The following SEMA5A variants were observed in gnomAD, a reference collection of about 807,000 sequenced individuals.
The protein encoded by SEMA5A is semaphorin 5A, also known as semaphorin-5A.
Under a neutral mutation model 135.5 loss-of-function variants are expected in SEMA5A, and 55 were observed. The ratio of observed to expected loss-of-function variants is 0.41; its 90% CI spans 0.33 to 0.51. The LOEUF (loss-of-function observed/expected upper bound fraction) is 0.51, where lower values mean the gene tolerates loss of function less well. Ranked by LOEUF, SEMA5A falls within the 20% of genes least tolerant of loss-of-function variation. SEMA5A has a pLI of 0.37. For missense variants in SEMA5A, 1,290 were observed against 1,419.9 expected (o/e 0.91, Z 1.47); for synonymous variants, 580 against 546.5 (o/e 1.06, Z -0.85).
intron 10 of SEMA5A, among the ~76,000 whole-genome samples, chr5:9,193,196 C>A (rs537677903): frequency 6.6e-6 from 1 of 152,260 alleles, no homozygotes; most frequent in South Asian, 2.1e-4. Context: ...TGTATTGGAT[C>A]ATAAGCAACC....
intron 4 of SEMA5A, among the ~76,000 whole-genome samples, chr5:9,324,722 A>G (rs1445620168): frequency 1.3e-5 from 2 of 152,254 alleles, no homozygotes; most frequent in Non-Finnish European, 1.5e-5. Flanking sequence ...TAAGATCTAC[A>G]GAACCCTGCA....
chr5:9,239,198 C>T (rs1561059650), intron 5 of SEMA5A, among the ~76,000 whole-genome samples: 1 of 152,128 alleles, frequency 6.6e-6, no homozygotes, highest in African/African-American at 2.4e-5. Context: ...GTCTTTGAAA[C>T]CAAAACAATG....
intron 8 of SEMA5A, among the ~76,000 whole-genome samples, chr5:9,202,599 A>G (rs961185215): frequency 6.6e-6 from 1 of 152,216 alleles, no homozygotes; most frequent in Non-Finnish European, 1.5e-5. Flanking sequence ...CATAACCTTC[A>G]GAGAGGGAGA....
intron 10 of SEMA5A, among the ~76,000 whole-genome samples, chr5:9,191,431 A>G (rs1745106890): frequency 6.6e-6 from 1 of 152,188 alleles, no homozygotes; most frequent in Admixed American, 6.5e-5. Flanking sequence ...AATCCTTCTC[A>G]TGTCTTTCAT....
At chr5:9,382,002 T>C (rs1024642146) in intron 2 of SEMA5A, among the ~76,000 whole-genome samples, 1 of 117,960 alleles carries the variant, frequency 8.5e-6, no homozygotes. Context: ...GCACATCAAG[T>C]TTCAGACACG....
chr5:9,535,456 A>G (rs1737708245), intron 1 of SEMA5A, among the ~76,000 whole-genome samples: 1 of 151,156 alleles, frequency 6.6e-6, no homozygotes, highest in Non-Finnish European at 1.5e-5. Context: ...CTCCTTCCCA[A>G]CTCTCACCTC....
chr5:9,518,544 GGA>G (rs1736647919), intron 1 of SEMA5A, among the ~76,000 whole-genome samples: 1 of 152,166 alleles, frequency 6.6e-6, no homozygotes, highest in South Asian at 2.1e-4. Context: ...CATGATTTAT[GGA>G]GAGAAAATAA....
intron 2 of SEMA5A, among the ~76,000 whole-genome samples, chr5:9,432,582 T>C (rs1011704208): frequency 6.6e-6 from 1 of 152,200 alleles, no homozygotes; most frequent in South Asian, 2.1e-4. Flanking sequence ...AAGTAAAGAC[T>C]GAGAGCTGAC....
chr5:9,275,434 A>T (rs529711311), intron 5 of SEMA5A, among the ~76,000 whole-genome samples: 1 of 152,302 alleles, frequency 6.6e-6, no homozygotes, highest in Non-Finnish European at 1.5e-5. Context: ...TCCTTCTAAA[A>T]CTATTCAAAA....
At chr5:9,384,073 A>G (rs1187798041) in intron 2 of SEMA5A, among the ~76,000 whole-genome samples, 1 of 152,168 alleles carries the variant, frequency 6.6e-6, no homozygotes, top group Non-Finnish European at 1.5e-5. Flanking sequence ...ACAACATAGT[A>G]CCTTTTTTCT....
chr5:9,214,402 G>A (rs28435264), intron 8 of SEMA5A, among the ~76,000 whole-genome samples: 4,479 of 152,310 alleles, frequency 0.029, 237 homozygotes, highest in African/African-American at 0.1. Context: ...GAGGATCAGG[G>A]GGAAGGGAGT....
At chr5:9,044,619 A>G in intron 21 of SEMA5A, 35 bp from the exon 22 acceptor site, 3 of 1,561,942 alleles carry the variant, frequency 1.9e-6, no homozygotes, top group Non-Finnish European at 2.6e-6. Flanking sequence ...GCCACACTTG[A>G]AAAGAACATC....
At position 9,201,376 on chromosome 5, in the gene SEMA5A, A is replaced by C. The variant is rs1369456222; in HGVS notation, c.932+579T>G. Among the ~76,000 whole-genome samples the C allele has an allele frequency of 2.0e-5, 3 of 152,166 alleles. No individual in the cohort carries two copies. In the East Asian group the frequency reaches 5.8e-4, roughly 29 times the overall value. On this transcript the variant is annotated intron_variant, in intron 9 of 22. Transcript: ENST00000382496. ...AAAGTTAGGAGTATCTCCCTGTCCCACCCCCAGACAAAAAATACTATAATT... is the reference window on the plus strand; with the variant it reads ...AAAGTTAGGAGTATCTCCCTGTCCCCCCCCCAGACAAAAAATACTATAATT...
chr5:9,054,856 C>A (rs542341690), intron 18 of SEMA5A, among the ~76,000 whole-genome samples: 65 of 152,340 alleles, frequency 4.3e-4, no homozygotes, highest in Admixed American at 2.1e-3. Context: ...TACAGCCACA[C>A]AGACTTGACA....
chr5:9,131,648 AAAAAAAAAAAC>A (rs1741437283), intron 13 of SEMA5A, among the ~76,000 whole-genome samples: 4 of 45,810 alleles, frequency 8.7e-5, no homozygotes, highest in African/African-American at 2.5e-4. Context: ...AAAAAAAAAA[AAAAAAAAAAAC>A]CTGTCATGTG....
intron 1 of SEMA5A, among the ~76,000 whole-genome samples, chr5:9,462,555 G>A (rs1297365575): frequency 6.6e-6 from 1 of 152,052 alleles, no homozygotes; most frequent in East Asian, 1.9e-4. Context: ...ATTCACAATA[G>A]CAAAGACATG....
chr5:9,458,692 A>T (rs1444235254), intron 1 of SEMA5A, among the ~76,000 whole-genome samples: 1 of 152,198 alleles, frequency 6.6e-6, no homozygotes, highest in Non-Finnish European at 1.5e-5. Context: ...CTCCATGTTC[A>T]AAGCTGAGTT....
chr5:9,217,557 T>A (rs1746698547), intron 8 of SEMA5A, among the ~76,000 whole-genome samples: 1 of 152,240 alleles, frequency 6.6e-6, no homozygotes, highest in Admixed American at 6.5e-5. Flanking sequence ...GTTGGGGAAG[T>A]TTTCATGGAT....
intron 1 of SEMA5A, among the ~76,000 whole-genome samples, chr5:9,512,637 T>C (rs1736273274): frequency 6.6e-6 from 1 of 152,182 alleles, no homozygotes; most frequent in Non-Finnish European, 1.5e-5. Context: ...CTGCACGGTG[T>C]TGAGTATTCT....
Sources: gnomAD v4.1 joint callset for allele counts (sites outside exome capture counted in the v4.1 genomes callset) on GRCh38, gnomAD v4.1.1 for gene constraint, MANE v1.5 for transcripts, NCBI Gene and HGNC (gene_info 2026-07-23, HGNC 2026-07-21) for gene names.